The following GK5 variants were observed in gnomAD, a reference collection of about 807,000 sequenced individuals.
GK5 encodes the protein glycerol kinase 5.
In GK5, 39 loss-of-function variants were observed where a neutral mutation model predicts 77.3. The ratio of observed to expected loss-of-function variants is 0.50; its 90% CI spans 0.39 to 0.66. GK5 has a LOEUF of 0.66. Among genes scored for constraint, GK5 ranks in the 30% least tolerant of loss-of-function variants. The pLI is 0.00. For synonymous variants in GK5, 211 were observed against 208.0 expected (o/e 1.01, Z -0.13); for missense variants, 487 against 633.8 (o/e 0.77, Z 2.49).
At position 142,165,628 on chromosome 3, in the gene GK5, CT is replaced by C; in HGVS notation, c.1583del (p.Lys528ArgfsTer6). On this transcript the variant is annotated frameshift_variant, in exon 16 of 16. Coordinates refer to ENST00000392993, the MANE Select transcript of GK5 (RefSeq NM_001039547.3). LOFTEE classifies it high-confidence loss of function. ...TTGATCATTTCATTTAGTGTTATGT[CT>C]TGTTATACCAATTCATGGAGCGTTT... Reference protein sequence around the residue: ...AVKRSMNWYNKT With the variant: ...AVKRSMNWYNXT 1 of 1,609,056 alleles carries C rather than the reference CT, an allele frequency of 6.2e-7. No homozygotes were observed. Among genetic ancestry groups the C allele is most frequent in the Non-Finnish European group, 8.5e-7 (1 of 1,178,456 alleles).
At chr3:142,205,606 C>A (rs766841921) in intron 3 of GK5, among the ~76,000 whole-genome samples, 3 of 152,208 alleles carry the variant, frequency 2.0e-5, no homozygotes, top group African/African-American at 7.2e-5. Context: ...TTCCAACTCA[C>A]TGCAACCTTT....
intron 12 of GK5, among the ~76,000 whole-genome samples, chr3:142,175,769 A>G (rs1443071947): frequency 6.6e-6 from 1 of 151,608 alleles, no homozygotes; most frequent in African/African-American, 2.4e-5. Context: ...GAAATTAAAA[A>G]TCAAACCTGA....
chr3:142,188,908 G>T (rs2063811173), intron 5 of GK5, among the ~76,000 whole-genome samples: 1 of 152,214 alleles, frequency 6.6e-6, no homozygotes, highest in Admixed American at 6.5e-5. Flanking sequence ...AGCTAGCAGA[G>T]AAACTGAAAT....
rs890650803 is a variant in GK5, at chr3:142,163,200, T to C, written c.*2422A>G. 6.6e-6 allele frequency: 1 copy of C among 151,864 alleles called. No homozygotes were observed. Among genetic ancestry groups the C allele is most frequent in the African/African-American group, 2.4e-5 (1 of 41,392 alleles). 9.4% of individuals were successfully genotyped at this position (151,864 alleles called of 1,614,324 possible). On this transcript the variant is annotated 3_prime_UTR_variant, in exon 16 of 16. Transcript: ENST00000392993. ...ATTCACAGAAGAAAAAAATAGCCACTGACACTTGAGGAGATGCTCAATTCC... is the reference window on the plus strand; with the variant it reads ...ATTCACAGAAGAAAAAAATAGCCACCGACACTTGAGGAGATGCTCAATTCC...
At chr3:142,221,168 T>C (rs1304716887) in intron 1 of GK5, among the ~76,000 whole-genome samples, 1 of 152,198 alleles carries the variant, frequency 6.6e-6, no homozygotes, top group African/African-American at 2.4e-5. Flanking sequence ...GTATAAGTGT[T>C]ACACAAGGTG....
chr3:142,225,165 C>T (rs2064409919), intron 1 of GK5, 144 bp downstream of exon 1: 3 of 844,824 alleles, frequency 3.6e-6, no homozygotes, highest in Non-Finnish European at 5.1e-6. Context: ...CTGGGCGCGC[C>T]GTTCTGGCCC....
intron 1 of GK5, among the ~76,000 whole-genome samples, chr3:142,220,213 C>T (rs1346201147): frequency 2.0e-5 from 3 of 152,184 alleles, no homozygotes; most frequent in Non-Finnish European, 4.4e-5. Context: ...TGTCAGCTCA[C>T]TGCAAGCTCC....
intron 5 of GK5, among the ~76,000 whole-genome samples, chr3:142,196,835 T>C (rs2063940871): frequency 6.6e-6 from 1 of 152,214 alleles, no homozygotes; most frequent in African/African-American, 2.4e-5. Flanking sequence ...AGTTAGTTGT[T>C]ACTGTTAATC....
At chr3:142,219,582 A>G (rs2064315572) in intron 1 of GK5, among the ~76,000 whole-genome samples, 1 of 152,206 alleles carries the variant, frequency 6.6e-6, no homozygotes, top group Non-Finnish European at 1.5e-5. Flanking sequence ...GGGAGATGTG[A>G]CTACAATAAA....
intron 5 of GK5, among the ~76,000 whole-genome samples, chr3:142,190,494 T>A (rs1475390500): frequency 6.6e-6 from 1 of 152,182 alleles, no homozygotes; most frequent in Non-Finnish European, 1.5e-5. Context: ...AAATTACATT[T>A]GAAGAGATAA....
At chr3:142,172,568 G>T (rs561808585) in intron 12 of GK5, 112 bp from the exon 13 acceptor site, 228 of 495,762 alleles carry the variant, frequency 4.6e-4, no homozygotes, top group Non-Finnish European at 6.8e-4. Flanking sequence ...ATAATGCTAT[G>T]GTTAAATAAT....
rs1040921678 is a variant in GK5 at position 142,159,657 on chromosome 3, T to C, written c.*5965A>G. ...AAAAAAAAAAAAAGATTCCTTTTAC[T>C]TGGAAAGGGGATTTAAAAAGAAAAA... is the stretch of plus-strand genomic sequence containing the variant. On this transcript the variant is annotated 3_prime_UTR_variant, in exon 16 of 16. Coordinates refer to ENST00000392993, the MANE Select transcript of GK5 (RefSeq NM_001039547.3). 1 of 151,998 alleles carries C rather than the reference T, an allele frequency of 6.6e-6. No individual in the cohort carries two copies. The highest frequency in any genetic ancestry group is 2.4e-5 in the African/African-American group (1 of 41,372). The allele number at this position is 151,998 out of a possible 1,614,324, so 9.4% of individuals were successfully genotyped here. A position where few individuals can be genotyped will look rare whatever the true frequency, so the allele number is the denominator to read the frequency against.
At chr3:142,176,864 T>C (rs1216436489) in intron 12 of GK5, among the ~76,000 whole-genome samples, 1 of 152,058 alleles carries the variant, frequency 6.6e-6, no homozygotes, top group African/African-American at 2.4e-5. Flanking sequence ...GGTTTCACCT[T>C]GTTAGCCAAG....
At chr3:142,224,899 G>A (rs2064405626) in intron 1 of GK5, among the ~76,000 whole-genome samples, 2 of 152,240 alleles carry the variant, frequency 1.3e-5, no homozygotes, top group Admixed American at 6.5e-5. Flanking sequence ...TGTGGTGGGA[G>A]ATCTATCAGG....
At chr3:142,180,700 G>T (rs961652277) in intron 11 of GK5, among the ~76,000 whole-genome samples, 2 of 152,042 alleles carry the variant, frequency 1.3e-5, no homozygotes, top group Non-Finnish European at 2.9e-5. Flanking sequence ...CACTAAGCTA[G>T]GGAGGTAGAA....
intron 4 of GK5, chr3:142,204,392 A>C (rs1216272836): frequency 2.6e-6 from 1 of 382,898 alleles, no homozygotes; most frequent in Non-Finnish European, 4.9e-6. Flanking sequence ...TAAAAGATGA[A>C]ATTTGGGCAT....
At chr3:142,170,896 C>T (rs536662893) in intron 14 of GK5, among the ~76,000 whole-genome samples, 43 of 152,240 alleles carry the variant, frequency 2.8e-4, no homozygotes, top group African/African-American at 1.0e-3. Flanking sequence ...CATAAATCCA[C>T]AATTAGCTCT....
chr3:142,198,691 C>A, intron 5 of GK5, 111 bp downstream of exon 5: 1 of 953,048 alleles, frequency 1.0e-6, no homozygotes, highest in Non-Finnish European at 1.5e-6. Context: ...CTTAATTTTC[C>A]CTCAAATAAT....
chr3:142,182,926 C>T lies in GK5; in HGVS notation c.940G>A (p.Gly314Arg). ...AGGATAAATCCTAACTACTTACCTC[C>T]AGTAGTCTGTTGAAGGCTATTTCCA... ...NTGNSLQQTT[G>R]GFYPLIGWKI... Residue 314 changes from glycine (G) to arginine (R), a missense_variant, in exon 10 of 16, where the codon GGA (glycine) becomes AGA (arginine). Around this residue, in one of 4 missense-constraint regions of GK5, gnomAD observed 323 missense variants for 437.4 expected, o/e 0.74. Transcript: ENST00000392993. The T allele has an allele frequency of 2.5e-6, 4 of 1,603,716 alleles. No individual in the cohort carries two copies. The highest frequency in any genetic ancestry group is 3.4e-6 in the Non-Finnish European group (4 of 1,170,710).
Sources: gnomAD v4.1 joint callset for allele counts (sites outside exome capture counted in the v4.1 genomes callset) on GRCh38, gnomAD v4.1.1 for gene constraint, gnomAD v4.1.1 regional missense constraint, MANE v1.5 for transcripts, NCBI Gene and HGNC (gene_info 2026-07-23, HGNC 2026-07-21) for gene names.